EML6: variants seen among roughly 807,000 people sequenced by gnomAD.
EML6 encodes echinoderm microtubule-associated protein-like 6.
Under a neutral mutation model 240.1 loss-of-function variants are expected in EML6, and 154 were observed. That is an observed-to-expected ratio of 0.64 (90% CI 0.56 to 0.73). EML6 has a LOEUF of 0.73. EML6 is among the 30% of genes least tolerant of loss of function. The pLI, the probability that EML6 is intolerant of heterozygous loss-of-function variation, is 0.00. For missense variants in EML6, 2,964 were observed against 2,474.6 expected (o/e 1.20, Z -4.20); for synonymous variants, 1,148 against 899.0 (o/e 1.28, Z -4.95).
In EML6 at chr2:54,738,538, A is replaced by G. The variant is rs188857551; in HGVS notation, c.197+13280A>G. 7.2e-5 allele frequency among the ~76,000 whole-genome samples: 11 copies of G among 152,310 alleles called. No individual in the cohort carries two copies. In the East Asian group the frequency reaches 7.7e-4, roughly 11 times the overall value. ...TCACATCAAAAAATCAATACCATCCATACCACAGACAGCACCTCATGCCCT... is the reference window on the plus strand; with the variant it reads ...TCACATCAAAAAATCAATACCATCCGTACCACAGACAGCACCTCATGCCCT... On this transcript the variant is annotated intron_variant, in intron 2 of 41. Transcript: ENST00000356458.
intron 17 of EML6, chr2:54,882,199 A>G (rs1671851596): frequency 1.3e-5 from 2 of 151,842 alleles, no homozygotes; most frequent in African/African-American, 4.8e-5. Context: ...TGTTTAAACA[A>G]TTTCCCCGCA....
intron 26 of EML6, among the ~76,000 whole-genome samples, chr2:54,918,450 G>GCAATCAATCCAC (rs1674049283): frequency 6.6e-6 from 1 of 152,158 alleles, no homozygotes; most frequent in South Asian, 2.1e-4. Flanking sequence ...CTAGACTCAA[G>GCAATCAATCCAC]CAATCAATCC....
At chr2:54,822,577 T>A (rs1251793899) in intron 5 of EML6, among the ~76,000 whole-genome samples, 1 of 152,234 alleles carries the variant, frequency 6.6e-6, no homozygotes, top group Non-Finnish European at 1.5e-5. Context: ...TCATAAGTTA[T>A]GTTTTAAATG....
chr2:54,795,921 C>T (rs1354336998), intron 2 of EML6, among the ~76,000 whole-genome samples: 1 of 152,134 alleles, frequency 6.6e-6, no homozygotes, highest in East Asian at 1.9e-4. Flanking sequence ...TGCATGATTT[C>T]TCTTTCATGG....
At chr2:54,835,021 T>TCGCCCTGGCTGCTC (rs1669064236) in intron 7 of EML6, among the ~76,000 whole-genome samples, 2 of 152,200 alleles carry the variant, frequency 1.3e-5, no homozygotes, top group Admixed American at 1.3e-4. Context: ...TTGCGCTGCT[T>TCGCCCTGGCTGCTC]CGCCCTGGCT....
Position 54,765,882 on chromosome 2 carries a change from A to G in EML6, c.197+40624A>G, listed in dbSNP as rs371015113. ...CTTTTTTATTTTACTTTTTATTTTG[A>G]AGCAATTTTAGACTTAGAAAAGTTC... On this transcript the variant is annotated intron_variant, in intron 2 of 41. Coordinates refer to ENST00000356458, the MANE Select transcript of EML6 (RefSeq NM_001039753.4). Among the ~76,000 whole-genome samples the G allele has an allele frequency of 1.2e-4, 19 of 152,270 alleles. No homozygotes were observed. In the South Asian group the frequency reaches 3.7e-3, roughly 30 times the overall value.
At chr2:54,901,867 A>T (rs115704196) in intron 22 of EML6, among the ~76,000 whole-genome samples, 1 of 152,300 alleles carries the variant, frequency 6.6e-6, no homozygotes, top group Non-Finnish European at 1.5e-5. Flanking sequence ...ATGTTCTTGA[A>T]TCAGTTTCCT....
chr2:54,934,774 A>T (rs2104419131), intron 28 of EML6, among the ~76,000 whole-genome samples: 1 of 152,178 alleles, frequency 6.6e-6, no homozygotes, highest in South Asian at 2.1e-4. Flanking sequence ...GGTGTTCTCA[A>T]ACTCTTTGGC....
chr2:54,786,213 C>T (rs1669080794), intron 2 of EML6, among the ~76,000 whole-genome samples: 1 of 152,024 alleles, frequency 6.6e-6, no homozygotes, highest in Non-Finnish European at 1.5e-5. Flanking sequence ...GTCTCTTTTC[C>T]CTGGAAGTTT....
At chr2:54,763,474 A>C (rs1051892974) in intron 2 of EML6, among the ~76,000 whole-genome samples, 1 of 152,242 alleles carries the variant, frequency 6.6e-6, no homozygotes, top group Non-Finnish European at 1.5e-5. Flanking sequence ...AAAATAAGAT[A>C]TACTCAGAGA....
At chr2:54,967,640 A>G (rs1676807184) in intron 39 of EML6, among the ~76,000 whole-genome samples, 1 of 151,714 alleles carries the variant, frequency 6.6e-6, no homozygotes, top group Non-Finnish European at 1.5e-5. Flanking sequence ...CAGAGGGGGA[A>G]CAGTAAGAGC....
intron 8 of EML6, among the ~76,000 whole-genome samples, chr2:54,844,595 G>A (rs969129117): frequency 1.3e-5 from 2 of 152,142 alleles, no homozygotes; most frequent in Non-Finnish European, 2.9e-5. Flanking sequence ...GGGGCTGCAT[G>A]GAGATTTTAC....
At chr2:54,953,950 C>A in intron 31 of EML6, 33 bp from the exon 32 acceptor site, 1 of 1,520,818 alleles carries the variant, frequency 6.6e-7, no homozygotes, top group Non-Finnish European at 8.9e-7. Flanking sequence ...CATTTGTCAG[C>A]CTTACTTCTT....
chr2:54,796,302 C>G (rs944505730), intron 2 of EML6, among the ~76,000 whole-genome samples: 3 of 152,104 alleles, frequency 2.0e-5, no homozygotes, highest in Non-Finnish European at 4.4e-5. Flanking sequence ...TTTCCTTATT[C>G]AGTCTTTACT....
intron 5 of EML6, among the ~76,000 whole-genome samples, chr2:54,825,620 G>A (rs1172852399): frequency 6.6e-6 from 1 of 151,586 alleles, no homozygotes; most frequent in East Asian, 1.9e-4. Flanking sequence ...CCAAAGAAAT[G>A]AGTTACCAGA....
chr2:54,820,242 G>C (rs913212303), intron 4 of EML6, among the ~76,000 whole-genome samples, 152 bp from the exon 5 acceptor site: 1 of 152,154 alleles, frequency 6.6e-6, no homozygotes, highest in African/African-American at 2.4e-5. Context: ...GTTAGTTCCT[G>C]ACTCATTCCA....
intron 32 of EML6, among the ~76,000 whole-genome samples, chr2:54,955,170 C>T (rs990588828): frequency 3.9e-5 from 6 of 152,236 alleles, no homozygotes; most frequent in Non-Finnish European, 2.9e-5. Flanking sequence ...ACCAGTATAT[C>T]TCACCCAGAT....
intron 24 of EML6, 144 bp downstream of exon 24, chr2:54,903,646 A>G: frequency 2.8e-6 from 2 of 712,200 alleles, no homozygotes; most frequent in Non-Finnish European, 4.4e-6. Flanking sequence ...TAATTTTACA[A>G]CCCAGAGGCA....
chr2:54,963,373 C>T (rs1355954400), intron 36 of EML6, among the ~76,000 whole-genome samples: 1 of 152,216 alleles, frequency 6.6e-6, no homozygotes, highest in African/African-American at 2.4e-5. Context: ...GCTGTCACTA[C>T]TTGACTAACT....
Sources: allele counts gnomAD v4.1 joint callset (sites outside exome capture counted in the v4.1 genomes callset), GRCh38; gene constraint gnomAD v4.1.1; transcripts MANE v1.5; gene names NCBI Gene and HGNC (gene_info 2026-07-23, HGNC 2026-07-21).